The following AVIL variants were observed in gnomAD, a reference collection of about 807,000 sequenced individuals.
AVIL encodes the protein advillin.
AVIL carries 78 observed loss-of-function variants against 109.9 expected under a neutral mutation model. The observed-to-expected ratio is 0.71, with a 90% CI of 0.59 to 0.86. The LOEUF is 0.86. Ranked by LOEUF, AVIL falls within the 40% of genes least tolerant of loss-of-function variation. The pLI is 0.00. For synonymous variants in AVIL, 367 were observed against 379.1 expected (o/e 0.97, Z 0.37); for missense variants, 892 against 1,016.5 (o/e 0.88, Z 1.67).
chr12:57,815,879 A>G (rs759234154), intron 2 of AVIL, 96 bp downstream of exon 2: 2 of 1,589,216 alleles, frequency 1.3e-6, no homozygotes, highest in Non-Finnish European at 1.7e-6. Context: ...ACCATAGGCT[A>G]AGGGGTGCTG....
chr12:57,803,728 A>G (rs984497084), intron 14 of AVIL, 59 bp from the exon 15 acceptor site: 20 of 1,585,780 alleles, frequency 1.3e-5, no homozygotes, highest in Admixed American at 1.7e-5. Flanking sequence ...TCGATGTGGA[A>G]AGAAAAGCAT....
rs1238821249 is a variant in AVIL, at chr12:57,808,537, C to T, written c.951G>A (p.Lys317=). 4.3e-6 allele frequency: 7 copies of T among 1,614,024 alleles called. No individual in the cohort carries two copies. The East Asian group carries it at 1.6e-4, about 36-fold the overall frequency. Residue 317 remains lysine (K), a synonymous_variant, in exon 10 of 20, where the codon AAG becomes AAA. Transcript: ENST00000549994. The part of the protein sequence containing the change: ...AAMSKALGFI[K]MKSYPSSTNV... ...TGGTGCTGCTGGGGTAGCTCTTCAT[C>T]TTGATGAAGCCCTGCAGAGCCACCC...
At position 57,808,381 on chromosome 12, in the gene AVIL, G is replaced by A. The variant is rs369067745; in HGVS notation, c.1093+14C>T. 2.0e-5 allele frequency: 33 copies of A among 1,614,132 alleles called. No individual in the cohort carries two copies. The African/African-American group carries it at 2.5e-4, about 12-fold the overall frequency. On this transcript the variant is annotated intron_variant, in intron 10 of 19. Coordinates refer to ENST00000549994, the MANE Select transcript of AVIL (RefSeq NM_006576.4). Reference sequence around the variant, plus strand: ...AGTCTTAGCAATGAGAGGATGATCTGGGGGCAGTCTCACCAATTTTACCAA... The same window carrying A: ...AGTCTTAGCAATGAGAGGATGATCTAGGGGCAGTCTCACCAATTTTACCAA...
intron 4 of AVIL, 136 bp from the exon 5 acceptor site, chr12:57,811,263 T>A: frequency 1.3e-6 from 1 of 783,750 alleles, no homozygotes; most frequent in Non-Finnish European, 2.0e-6. Context: ...TGGTGGCAGC[T>A]GCTGCCCCAC....
Position 57,797,859 on chromosome 12 carries a change from C to A in AVIL, c.*23G>T. ...CTATCTGCTCTTTTCTGTGGCCTTG[C>A]AATAGGTATAGGCCTTCTTGCTTTA... On this transcript the variant is annotated 3_prime_UTR_variant, in exon 20 of 20. Coordinates refer to ENST00000549994, the MANE Select transcript of AVIL (RefSeq NM_006576.4). The A allele has an allele frequency of 2.0e-6, 3 of 1,526,430 alleles. No homozygotes were observed. The highest frequency in any genetic ancestry group is 2.5e-5 in the South Asian group (2 of 80,696). 94.6% of individuals were successfully genotyped at this position (1,526,430 alleles called of 1,614,324 possible).
chr12:57,807,865 G>T, intron 11 of AVIL, 138 bp from the exon 12 acceptor site: 1 of 1,225,770 alleles, frequency 8.2e-7, no homozygotes, highest in Non-Finnish European at 1.2e-6. Flanking sequence ...CTCTCCCAGT[G>T]CTGAGGACTC....
chr12:57,804,907 C>T (rs767024678), intron 14 of AVIL, among the ~76,000 whole-genome samples: 1 of 151,778 alleles, frequency 6.6e-6, no homozygotes, highest in Non-Finnish European at 1.5e-5. Context: ...TCCTGTTGCT[C>T]TGCATCCTTG....
At chr12:57,813,169 T>C in intron 4 of AVIL, 58 bp downstream of exon 4, 4 of 1,530,834 alleles carry the variant, frequency 2.6e-6, no homozygotes, top group Non-Finnish European at 3.5e-6. Flanking sequence ...GTTGGCCTTT[T>C]GGGTTTCCTC....
Position 57,815,738 on chromosome 12 carries a change from C to T in AVIL, c.66+237G>A, listed in dbSNP as rs553609609. ...AGCAGGTGGCTGGCTAAAGGACAAG[C>T]CTGTTTTTGTCTGGAGCCCTGTTCT... On this transcript the variant is annotated intron_variant, in intron 2 of 19. Coordinates refer to ENST00000549994, the MANE Select transcript of AVIL (RefSeq NM_006576.4). 7 of 1,423,532 alleles carry T rather than the reference C, an allele frequency of 4.9e-6. No homozygotes were observed. In the South Asian group the frequency reaches 7.0e-5, roughly 14 times the overall value. 88.2% of individuals were successfully genotyped at this position (1,423,532 alleles called of 1,614,324 possible). A position where few individuals can be genotyped will look rare whatever the true frequency, so the allele number is the denominator to read the frequency against.
chr12:57,813,547 C>T, intron 3 of AVIL, 124 bp from the exon 4 acceptor site: 3 of 973,698 alleles, frequency 3.1e-6, no homozygotes, highest in African/African-American at 1.6e-5. Context: ...CTCTCTCCTG[C>T]AGTGGATGTG....
rs773558508 is a variant in AVIL at position 57,803,400 on chromosome 12, T to C, written c.1818-9A>G. ...GGATTTCCTGCTGAAGTCTGCAATA[T>C]AGTCCATTTAAGGGCATCAAGCTGC... is the stretch of plus-strand genomic sequence containing the variant. On this transcript the variant is annotated splice_polypyrimidine_tract_variant and intron_variant, in intron 15 of 19. Coordinates refer to ENST00000549994, the MANE Select transcript of AVIL (RefSeq NM_006576.4). 9 of 1,614,076 alleles carry C rather than the reference T, an allele frequency of 5.6e-6. No individual in the cohort carries two copies. The South Asian group carries it at 8.8e-5, about 16-fold the overall frequency.
At chr12:57,803,786 C>A in intron 14 of AVIL, 117 bp from the exon 15 acceptor site, 1 of 1,363,298 alleles carries the variant, frequency 7.3e-7, no homozygotes, top group Non-Finnish European at 9.9e-7. Context: ...AAACCACAGT[C>A]CCTCAGCCTG....
intron 19 of AVIL, among the ~76,000 whole-genome samples, chr12:57,798,850 C>T (rs1026592174): frequency 1.3e-5 from 2 of 152,062 alleles, no homozygotes; most frequent in South Asian, 2.1e-4. Context: ...CTCCTGACCT[C>T]GTGATCCACC....
At chr12:57,816,941 TCAGA>T (rs1423115087) in intron 1 of AVIL, among the ~76,000 whole-genome samples, 1 of 151,882 alleles carries the variant, frequency 6.6e-6, no homozygotes, top group African/African-American at 2.4e-5. Context: ...AGCGTGAACC[TCAGA>T]CACTTAGACG....
intron 14 of AVIL, among the ~76,000 whole-genome samples, chr12:57,805,610 C>CG (rs1730746683): frequency 6.8e-6 from 1 of 147,878 alleles, no homozygotes; most frequent in Admixed American, 6.7e-5. Context: ...CTCGGCTCAC[C>CG]GCAACCTCCG....
rs1406259072 is a variant in AVIL at position 57,818,693 on chromosome 12, C to T, written c.-84G>A. On this transcript the variant is annotated 5_prime_UTR_variant, in exon 1 of 20. Transcript: ENST00000549994. ...CGTAAGCAGCAGCAGTATTGAAGAACCACTCCAAAGCAGGAGGCTCCAGGT... is the reference window on the plus strand; with the variant it reads ...CGTAAGCAGCAGCAGTATTGAAGAATCACTCCAAAGCAGGAGGCTCCAGGT... 1 of 152,224 alleles carries T rather than the reference C, an allele frequency of 6.6e-6. No individual in the cohort carries two copies. 9.4% of individuals were successfully genotyped at this position (152,224 alleles called of 1,614,324 possible).
chr12:57,816,981 A>C (rs1956107944), intron 1 of AVIL, among the ~76,000 whole-genome samples: 1 of 151,826 alleles, frequency 6.6e-6, no homozygotes, highest in Non-Finnish European at 1.5e-5. Flanking sequence ...GGATTGAGCA[A>C]GTCAGGGTGG....
chr12:57,810,624 G>T, intron 6 of AVIL, 73 bp from the exon 7 acceptor site: 1 of 1,549,358 alleles, frequency 6.5e-7, no homozygotes. Context: ...GGGGAGAACA[G>T]CCTAGATCCC....
intron 16 of AVIL, chr12:57,802,905 A>G (rs569295785): frequency 3.0e-5 from 16 of 533,844 alleles, no homozygotes; most frequent in African/African-American, 5.7e-5. Context: ...ACAATAGTCT[A>G]CTGACTGCCT....
Sources: gnomAD v4.1 joint callset for allele counts (sites outside exome capture counted in the v4.1 genomes callset) on GRCh38, gnomAD v4.1.1 for gene constraint, MANE v1.5 for transcripts, NCBI Gene and HGNC (gene_info 2026-07-23, HGNC 2026-07-21) for gene names.